The following LRRK1 variants were observed in gnomAD, a reference collection of about 807,000 sequenced individuals.
The protein encoded by LRRK1 is leucine-rich repeat serine/threonine-protein kinase 1.
LRRK1 carries 113 observed loss-of-function variants against 209.1 expected under a neutral mutation model. The ratio of observed to expected loss-of-function variants is 0.54; its 90% CI spans 0.46 to 0.63. The LOEUF (loss-of-function observed/expected upper bound fraction) is 0.63, where lower values mean the gene tolerates loss of function less well. LRRK1 is among the 30% of genes least tolerant of loss of function. The pLI is 0.00. For missense variants in LRRK1, 2,284 were observed against 2,632.2 expected, an observed-to-expected ratio of 0.87 and a Z score of 2.89; for synonymous variants, 1,144 against 1,099.7, an observed-to-expected ratio of 1.04 and a Z score of -0.80.
intron 30 of LRRK1, among the ~76,000 whole-genome samples, chr15:101,061,523 G>A (rs1213113889): frequency 2.6e-5 from 4 of 152,220 alleles, no homozygotes; most frequent in African/African-American, 9.6e-5. Context: ...GATTTGCGAT[G>A]GTGAGGACCA....
At chr15:100,985,309 C>A (rs2031809857) in intron 4 of LRRK1, among the ~76,000 whole-genome samples, 1 of 152,140 alleles carries the variant, frequency 6.6e-6, no homozygotes, top group Non-Finnish European at 1.5e-5. Context: ...TCTGTTCTAG[C>A]CCTGAAGAGT....
At chr15:100,956,455 C>CTTTTTCTTTTTTTTTTTTTTTTT in intron 2 of LRRK1, among the ~76,000 whole-genome samples, 3 of 60,536 alleles carry the variant, frequency 5.0e-5, no homozygotes, top group African/African-American at 1.7e-4. Flanking sequence ...TTTTTTTTTT[C>CTTTTTCTTTTTTTTTTTTTTTTT]TTTTTTTTTT....
At chr15:100,936,436 A>G (rs969996665) in intron 2 of LRRK1, among the ~76,000 whole-genome samples, 26 of 152,246 alleles carry the variant, frequency 1.7e-4, no homozygotes, top group African/African-American at 5.1e-4. Context: ...CATGAACTCC[A>G]CAATGTCATC....
chr15:100,973,857 C>T lies in LRRK1; in HGVS notation c.151C>T (p.Arg51Trp). Residue 51 changes from arginine (R) to tryptophan (W), a missense_variant, in exon 3 of 34, where the codon CGG becomes TGG. Physicochemically the swap from Arg to Trp is moderately radical, Grantham distance 101 (BLOSUM62 -3). This residue lies in a region of LRRK1 where 174 missense variants were observed against 133.5 expected (regional missense o/e 1.30). Transcript: ENST00000388948. ...CACGCGGGGCGGTGACCCTGCAGCG[C>T]GGTCCCGCAGGACGGAAGGCATCCG... ...PSTRGGDPAARSRRTEGIRAA... is the reference protein window; with the variant it reads ...PSTRGGDPAAWSRRTEGIRAA... 1.2e-5 allele frequency: 15 copies of T among 1,292,372 alleles called. No homozygotes were observed. Among genetic ancestry groups the T allele is most frequent in the Non-Finnish European group, 1.4e-5 (14 of 1,016,098 alleles). The allele number at this position is 1,292,372 out of a possible 1,614,324, so 80.1% of individuals were successfully genotyped here.
intron 6 of LRRK1, among the ~76,000 whole-genome samples, chr15:101,003,577 A>G (rs1203025921): frequency 6.6e-6 from 1 of 152,214 alleles, no homozygotes; most frequent in African/African-American, 2.4e-5. Context: ...AGCAGGCAAG[A>G]GAGAGAATGA....
chr15:101,024,931 C>G lies in LRRK1; in HGVS notation c.2196C>G (p.Ala732=). 6.2e-7 allele frequency: 1 copy of G among 1,613,994 alleles called. No homozygotes were observed. The highest frequency in any genetic ancestry group is 2.2e-5 in the East Asian group (1 of 44,870). ...VVWNLALGEE[A]VANLQFWLLN... Reference sequence around the variant, plus strand: ...GGAACCTGGCGCTGGGGGAGGAGGCCGTGGCCAACCTCCAGTTCTGGCTGC... The same window carrying G: ...GGAACCTGGCGCTGGGGGAGGAGGCGGTGGCCAACCTCCAGTTCTGGCTGC... Residue 732 remains alanine, a synonymous_variant, in exon 16 of 34, where the codon GCC becomes GCG. Transcript: ENST00000388948. The surrounding 1 kb of genome is among the most constrained non-coding windows in gnomAD (Gnocchi z 4.6).
chr15:101,050,139 G>A (rs948385074), intron 23 of LRRK1, among the ~76,000 whole-genome samples: 17 of 152,188 alleles, frequency 1.1e-4, no homozygotes, highest in African/African-American at 3.4e-4. Context: ...CTGTGTGGCT[G>A]AAATTGCAGG....
chr15:101,064,906 A>C, intron 31 of LRRK1: 2 of 197,188 alleles, frequency 1.0e-5, no homozygotes, highest in South Asian at 9.5e-5. Context: ...GGGGCAGTGC[A>C]CAGATGCTTG....
At chr15:100,924,326 C>T (rs1055673195) in intron 1 of LRRK1, among the ~76,000 whole-genome samples, 185 bp from the exon 2 acceptor site, 17 of 152,144 alleles carry the variant, frequency 1.1e-4, no homozygotes, top group African/African-American at 3.9e-4. Flanking sequence ...ACCTGAGCCC[C>T]GCATCAAGAT....
intron 2 of LRRK1, among the ~76,000 whole-genome samples, chr15:100,961,200 C>G (rs1288113761): frequency 6.6e-6 from 1 of 152,178 alleles, no homozygotes; most frequent in Non-Finnish European, 1.5e-5. Context: ...TGTGCTGGCT[C>G]AGGTCTCTTT....
At chr15:100,925,616 A>G (rs2042095721) in intron 2 of LRRK1, among the ~76,000 whole-genome samples, 2 of 152,324 alleles carry the variant, frequency 1.3e-5, no homozygotes, top group Admixed American at 6.5e-5. Flanking sequence ...TTTCCGCTAC[A>G]CTTGCACCAC....
Position 101,066,102 on chromosome 15 carries a change from G to A in LRRK1, c.5665G>A (p.Asp1889Asn), listed in dbSNP as rs770606570. ...GCTACATACGCCCGGTGCTGCCTCC[G>A]ACAGGTCTGAGCATGACCTGACCCC... ...DMLHTPGAASDRSEHDLTPMD... is the reference protein window; with the variant it reads ...DMLHTPGAASNRSEHDLTPMD... Residue 1889 changes from aspartate (D) to asparagine (N), a missense_variant, in exon 32 of 34, where the codon GAC (aspartate) becomes AAC (asparagine). Transcript: ENST00000388948. 3.4e-5 allele frequency: 55 copies of A among 1,613,924 alleles called. No individual in the cohort carries two copies. Among genetic ancestry groups the A allele is most frequent in the South Asian group, 2.5e-4 (23 of 91,088 alleles).
intron 6 of LRRK1, among the ~76,000 whole-genome samples, chr15:101,006,394 A>T (rs1886246454): frequency 8.4e-6 from 1 of 119,136 alleles, no homozygotes; most frequent in African/African-American, 5.4e-5. Context: ...AAAAAAAAAG[A>T]AAAGGCATTA....
intron 3 of LRRK1, among the ~76,000 whole-genome samples, chr15:100,976,250 G>A (rs2031286380): frequency 6.6e-6 from 1 of 152,138 alleles, no homozygotes; most frequent in Non-Finnish European, 1.5e-5. Flanking sequence ...ATAATCACTT[G>A]TCCAGAAAAT....
chr15:100,959,046 G>T (rs2042819674), intron 2 of LRRK1, among the ~76,000 whole-genome samples: 1 of 152,174 alleles, frequency 6.6e-6, no homozygotes, highest in Non-Finnish European at 1.5e-5. Flanking sequence ...GAAGTGACCA[G>T]ACCTTAGGGA....
chr15:101,001,928 G>A (rs1440225952), intron 6 of LRRK1, among the ~76,000 whole-genome samples: 1 of 152,124 alleles, frequency 6.6e-6, no homozygotes, highest in Non-Finnish European at 1.5e-5. Flanking sequence ...ACATTACAAC[G>A]TCACTCCGGC....
At chr15:101,009,779 G>T (rs2033147123) in intron 7 of LRRK1, among the ~76,000 whole-genome samples, 1 of 151,940 alleles carries the variant, frequency 6.6e-6, no homozygotes, top group Non-Finnish European at 1.5e-5. Context: ...GTAGAGACGG[G>T]GTTTCACCGT....
chr15:101,070,789 CTT>C lies in LRRK1; in HGVS notation c.*1942_*1943del, dbSNP rs2036490550. 1 of 135,396 alleles carries C rather than the reference CTT, an allele frequency of 7.4e-6. No homozygotes were observed. Among genetic ancestry groups the C allele is most frequent in the African/African-American group, 2.7e-5 (1 of 37,100 alleles). The allele number at this position is 135,396 out of a possible 1,614,324, so 8.4% of individuals were successfully genotyped here. A position where few individuals can be genotyped will look rare whatever the true frequency, so the allele number is the denominator to read the frequency against. ...CTGGGTGACAGAGCAAGACCCAACT[CTT>C]AAAAAAAAAAAAAAAATACAGGAAA... On this transcript the variant is annotated 3_prime_UTR_variant, in exon 34 of 34. Coordinates refer to ENST00000388948, the MANE Select transcript of LRRK1 (RefSeq NM_024652.6).
chr15:101,046,635 A>G (rs530732203), intron 21 of LRRK1, among the ~76,000 whole-genome samples: 1 of 152,274 alleles, frequency 6.6e-6, no homozygotes, highest in South Asian at 2.1e-4. Context: ...AAAGACACAG[A>G]CCACACTCCA....
Sources: gnomAD v4.1 joint callset for allele counts (sites outside exome capture counted in the v4.1 genomes callset) on GRCh38, gnomAD v4.1.1 for gene constraint, gnomAD v4.1.1 regional missense constraint, Gnocchi (gnomAD v3.1) non-coding constraint, MANE v1.5 for transcripts, NCBI Gene and HGNC (gene_info 2026-07-23, HGNC 2026-07-21) for gene names.